Variants in TMEM108 observed in about 807,000 individuals in gnomAD.
The protein encoded by TMEM108 is cancer/testis antigen 124.
In TMEM108, 12 loss-of-function variants were observed where a neutral mutation model predicts 35.1. The observed-to-expected ratio is 0.34, with a 90% confidence interval of 0.22 to 0.55. TMEM108 has a LOEUF of 0.55. Ranked by LOEUF, TMEM108 falls within the 20% of genes least tolerant of loss-of-function variation. The probability of loss-of-function intolerance (pLI) is 0.89; values close to 1 mark genes in which losing one functional copy is unlikely to be tolerated. For missense variants in TMEM108, 680 were observed against 753.3 expected, an observed-to-expected ratio of 0.90 and a Z score of 1.14; for synonymous variants, 287 against 308.6, an observed-to-expected ratio of 0.93 and a Z score of 0.73.
At chr3:133,195,192 G>T (rs1945559278) in intron 2 of TMEM108, among the ~76,000 whole-genome samples, 1 of 152,092 alleles carries the variant, frequency 6.6e-6, no homozygotes, top group African/African-American at 2.4e-5. Flanking sequence ...ACTTCCACAT[G>T]TATTGTCTAA....
intron 1 of TMEM108, among the ~76,000 whole-genome samples, chr3:133,039,945 GA>G (rs1165757167): frequency 6.6e-6 from 1 of 152,116 alleles, no homozygotes; most frequent in African/African-American, 2.4e-5. Flanking sequence ...TACTAGGCAA[GA>G]TAAATATATT....
intron 4 of TMEM108, among the ~76,000 whole-genome samples, 186 bp downstream of exon 4, chr3:133,381,347 T>C (rs2073007911): frequency 6.6e-6 from 1 of 152,170 alleles, no homozygotes; most frequent in Non-Finnish European, 1.5e-5. Context: ...GGCCATGGCT[T>C]GAATGCCTGC....
At chr3:133,056,962 A>G (rs1216045334) in intron 2 of TMEM108, among the ~76,000 whole-genome samples, 2 of 152,240 alleles carry the variant, frequency 1.3e-5, no homozygotes, top group African/African-American at 2.4e-5. Context: ...TATTCTGAGT[A>G]TCATTTAATA....
In TMEM108 at chr3:133,390,216, A is replaced by G. The variant is rs376771566; in HGVS notation, c.1487A>G (p.Lys496Arg). ...LLTVCCMKRK[K>R]KTANPENNLS... ...ACGGTGTGCTGCATGAAGAGGAAGA[A>G]GAAGACCGCCAACCCGGAGAACAAC... The change falls in exon 5 of 6, where the codon AAG becomes AGG. Residue 496 changes from lysine to arginine, a missense_variant. This residue lies in a region of TMEM108 where 105 missense variants were observed against 150.7 expected (regional missense o/e 0.70). Coordinates refer to ENST00000321871, the MANE Select transcript of TMEM108 (RefSeq NM_023943.4). 3.8e-5 allele frequency: 62 copies of G among 1,614,084 alleles called. No individual in the cohort carries two copies. The highest frequency in any genetic ancestry group is 2.7e-4 in the Admixed American group (16 of 60,004).
chr3:133,220,654 T>G (rs1325249907), intron 2 of TMEM108, among the ~76,000 whole-genome samples: 1 of 152,224 alleles, frequency 6.6e-6, no homozygotes, highest in East Asian at 1.9e-4. Flanking sequence ...GGTATTTCCC[T>G]ACACATGAAG....
chr3:133,180,140 G>T (rs906735063), intron 2 of TMEM108, among the ~76,000 whole-genome samples: 21 of 151,712 alleles, frequency 1.4e-4, no homozygotes, highest in Non-Finnish European at 2.4e-4. Flanking sequence ...GTTCTTTTTT[G>T]CTCTTTTATC....
chr3:133,278,927 G>A (rs1037798654), intron 3 of TMEM108, among the ~76,000 whole-genome samples: 1 of 152,138 alleles, frequency 6.6e-6, no homozygotes, highest in African/African-American at 2.4e-5. Context: ...ATTGTCCGGA[G>A]CATTCATGAA....
At chr3:133,121,301 C>T (rs1315311630) in intron 2 of TMEM108, among the ~76,000 whole-genome samples, 1 of 152,218 alleles carries the variant, frequency 6.6e-6, no homozygotes, top group African/African-American at 2.4e-5. Context: ...GTTTCATAGC[C>T]AGTCCATTTA....
At chr3:133,048,291 ATACAG>A (rs1943363457) in intron 2 of TMEM108, among the ~76,000 whole-genome samples, 1 of 152,212 alleles carries the variant, frequency 6.6e-6, no homozygotes, top group Non-Finnish European at 1.5e-5. Flanking sequence ...TTTGCAGACA[ATACAG>A]TAAAGACCAG....
intron 2 of TMEM108, among the ~76,000 whole-genome samples, chr3:133,072,640 A>G (rs1943689920): frequency 2.0e-5 from 3 of 152,140 alleles, no homozygotes; most frequent in African/African-American, 7.2e-5. Context: ...CCTTCTTTTT[A>G]AAATAACAGC....
At chr3:133,370,943 C>T (rs1391001577) in intron 3 of TMEM108, among the ~76,000 whole-genome samples, 1 of 142,122 alleles carries the variant, frequency 7.0e-6, no homozygotes, top group Non-Finnish European at 1.5e-5. Flanking sequence ...TCATGGCCCT[C>T]CTAGTATGCA....
intron 3 of TMEM108, among the ~76,000 whole-genome samples, chr3:133,312,864 G>A (rs895541243): frequency 2.0e-5 from 3 of 152,112 alleles, no homozygotes; most frequent in African/African-American, 2.4e-5. Flanking sequence ...ATCTTGGAAC[G>A]GAACCCTCCC....
chr3:133,178,939 C>T (rs1945284514), intron 2 of TMEM108, among the ~76,000 whole-genome samples: 3 of 152,006 alleles, frequency 2.0e-5, no homozygotes, highest in Non-Finnish European at 2.9e-5. Flanking sequence ...CCAGAATCTA[C>T]AAAGAACTCA....
intron 4 of TMEM108, chr3:133,386,622 G>A: frequency 7.0e-7 from 1 of 1,435,236 alleles, no homozygotes; most frequent in Non-Finnish European, 9.1e-7. Flanking sequence ...GGGACTCCAT[G>A]ACCTCCTCCA....
At chr3:133,130,645 CAA>C (rs759874795) in intron 2 of TMEM108, among the ~76,000 whole-genome samples, 36 of 152,308 alleles carry the variant, frequency 2.4e-4, no homozygotes, top group Admixed American at 9.8e-4. Flanking sequence ...GAAGCAGTTA[CAA>C]AGGCCACTTA....
At chr3:133,270,958 A>T (rs1453549595) in intron 3 of TMEM108, among the ~76,000 whole-genome samples, 2 of 152,108 alleles carry the variant, frequency 1.3e-5, no homozygotes, top group Non-Finnish European at 2.9e-5. Context: ...TAATGAAATT[A>T]TTGAAGTTCC....
chr3:133,318,553 C>T (rs1429154414), intron 3 of TMEM108, among the ~76,000 whole-genome samples: 2 of 152,032 alleles, frequency 1.3e-5, no homozygotes, highest in African/African-American at 4.8e-5. Context: ...TGCATGACAC[C>T]CAGCCATGTT....
At chr3:133,312,162 A>G (rs2071137888) in intron 3 of TMEM108, among the ~76,000 whole-genome samples, 2 of 152,182 alleles carry the variant, frequency 1.3e-5, no homozygotes, top group African/African-American at 4.8e-5. Flanking sequence ...ACTGGGAGGT[A>G]TCTCCCAGTT....
At chr3:133,108,426 AGT>A (rs1320120460) in intron 2 of TMEM108, among the ~76,000 whole-genome samples, 1 of 152,016 alleles carries the variant, frequency 6.6e-6, no homozygotes, top group East Asian at 1.9e-4. Flanking sequence ...TCTTTTGAGA[AGT>A]GTCTGTTCAT....
Sources: allele counts gnomAD v4.1 joint callset (sites outside exome capture counted in the v4.1 genomes callset), GRCh38; gene constraint gnomAD v4.1.1; regional missense constraint gnomAD v4.1.1; transcripts MANE v1.5; gene names NCBI Gene and HGNC (gene_info 2026-07-23, HGNC 2026-07-21).